The following MCF2L2 variants were observed in gnomAD, a reference collection of about 807,000 sequenced individuals.
MCF2L2 encodes probable guanine nucleotide exchange factor MCF2L2.
In MCF2L2, 102 loss-of-function variants were observed where a neutral mutation model predicts 150.2. The ratio of observed to expected loss-of-function variants is 0.68; its 90% confidence interval spans 0.58 to 0.80. The LOEUF (loss-of-function observed/expected upper bound fraction) is 0.80, where lower values mean the gene tolerates loss of function less well. Ranked by LOEUF, MCF2L2 falls within the 30% of genes least tolerant of loss-of-function variation. The pLI is 0.00. For synonymous variants in MCF2L2, 465 were observed against 491.3 expected (o/e 0.95, Z 0.71); for missense variants, 1,256 against 1,372.8 (o/e 0.91, Z 1.34).
At chr3:183,366,157 A>G (rs1309426180) in intron 3 of MCF2L2, among the ~76,000 whole-genome samples, 2 of 152,192 alleles carry the variant, frequency 1.3e-5, no homozygotes, top group African/African-American at 4.8e-5. Flanking sequence ...CCTACAACAA[A>G]ATAAACAGTT....
chr3:183,358,890 G>A (rs1711952820), intron 3 of MCF2L2, among the ~76,000 whole-genome samples: 1 of 152,040 alleles, frequency 6.6e-6, no homozygotes, highest in Admixed American at 6.6e-5. Flanking sequence ...GAAGTGCTGG[G>A]ATTACAGGGT....
chr3:183,180,558 C>A (rs918075975), intron 27 of MCF2L2, among the ~76,000 whole-genome samples: 7 of 152,194 alleles, frequency 4.6e-5, no homozygotes, highest in African/African-American at 1.7e-4. Flanking sequence ...ATCTCCCTGG[C>A]AGCCTCTGCC....
chr3:183,292,318 G>T (rs1728200313), intron 13 of MCF2L2, among the ~76,000 whole-genome samples: 3 of 152,040 alleles, frequency 2.0e-5, no homozygotes, highest in Admixed American at 2.0e-4. Flanking sequence ...TCTTAGGGAG[G>T]CAGAGGCAGG....
chr3:183,356,632 A>G (rs1465090140), intron 3 of MCF2L2, among the ~76,000 whole-genome samples: 1 of 152,224 alleles, frequency 6.6e-6, no homozygotes, highest in African/African-American at 2.4e-5. Flanking sequence ...ATTTCCTCCC[A>G]TTCAAGTGCA....
At chr3:183,203,174 T>C (rs572571785) in intron 25 of MCF2L2, among the ~76,000 whole-genome samples, 3 of 152,000 alleles carry the variant, frequency 2.0e-5, no homozygotes, top group Admixed American at 6.6e-5. Context: ...GATCATGCCA[T>C]TGCACTCCAG....
At chr3:183,312,515 T>C (rs1039299024) in intron 7 of MCF2L2, among the ~76,000 whole-genome samples, 7 of 152,188 alleles carry the variant, frequency 4.6e-5, no homozygotes, top group Non-Finnish European at 1.0e-4. Flanking sequence ...ACCTAGAATT[T>C]TGTGCTTGGG....
intron 5 of MCF2L2, among the ~76,000 whole-genome samples, chr3:183,328,077 A>G (rs1273390458): frequency 6.6e-6 from 1 of 152,114 alleles, no homozygotes; most frequent in African/African-American, 2.4e-5. Context: ...AGAAGATTAA[A>G]CTCTATAGAA....
intron 6 of MCF2L2, among the ~76,000 whole-genome samples, chr3:183,321,340 A>G (rs1729801657): frequency 6.6e-6 from 1 of 151,482 alleles, no homozygotes; most frequent in Admixed American, 6.6e-5. Context: ...TGGGAGGCTG[A>G]GGCAGAAGAA....
At chr3:183,238,240 C>A (rs1208750163) in intron 15 of MCF2L2, among the ~76,000 whole-genome samples, 1 of 138,862 alleles carries the variant, frequency 7.2e-6, no homozygotes, top group African/African-American at 2.9e-5. Flanking sequence ...ATTTTTTTTG[C>A]GATTTTTTTT....
intron 1 of MCF2L2, among the ~76,000 whole-genome samples, chr3:183,416,934 C>A (rs1223954193): frequency 6.6e-6 from 1 of 151,258 alleles, no homozygotes; most frequent in African/African-American, 2.4e-5. Flanking sequence ...ATGGTAAAAC[C>A]CTGTCTCTAC....
intron 15 of MCF2L2, among the ~76,000 whole-genome samples, chr3:183,235,089 G>C (rs1414380498): frequency 4.6e-4 from 31 of 67,672 alleles, no homozygotes; most frequent in South Asian, 2.0e-3. Context: ...TCTTAATCCA[G>C]TCTATCATTG....
intron 2 of MCF2L2, among the ~76,000 whole-genome samples, chr3:183,380,180 T>C (rs1713434042): frequency 6.6e-6 from 1 of 152,134 alleles, no homozygotes; most frequent in South Asian, 2.1e-4. Flanking sequence ...CCAAATTCAA[T>C]AGATTCTATT....
intron 1 of MCF2L2, among the ~76,000 whole-genome samples, chr3:183,393,708 G>T (rs1398690361): frequency 6.6e-6 from 1 of 152,212 alleles, no homozygotes; most frequent in African/African-American, 2.4e-5. Context: ...AGACTCTTAC[G>T]CGATGAAATA....
chr3:183,222,379 G>A (rs528621310), intron 20 of MCF2L2, among the ~76,000 whole-genome samples: 5 of 152,180 alleles, frequency 3.3e-5, no homozygotes, highest in Middle Eastern at 3.4e-3. Context: ...GTGAAACCCC[G>A]TCTCTACTAA....
intron 22 of MCF2L2, among the ~76,000 whole-genome samples, chr3:183,213,492 A>G (rs1722810214): frequency 1.3e-5 from 2 of 152,048 alleles, no homozygotes; most frequent in Admixed American, 6.6e-5. Context: ...TTCCTTTATA[A>G]AACCAGGTTA....
At chr3:183,288,252 C>T (rs544592419) in intron 14 of MCF2L2, among the ~76,000 whole-genome samples, 6 of 152,220 alleles carry the variant, frequency 3.9e-5, no homozygotes, top group African/African-American at 1.4e-4. Context: ...TGCCTGATTC[C>T]AAACCTTATG....
chr3:183,401,007 T>C (rs1034132349), intron 1 of MCF2L2, among the ~76,000 whole-genome samples: 7 of 152,168 alleles, frequency 4.6e-5, no homozygotes, highest in African/African-American at 1.7e-4. Context: ...CGGCAAACGG[T>C]AAAGGTTCAG....
At chr3:183,420,034 C>T (rs894804531) in intron 1 of MCF2L2, among the ~76,000 whole-genome samples, 1 of 152,212 alleles carries the variant, frequency 6.6e-6, no homozygotes, top group African/African-American at 2.4e-5. Context: ...TACTCCAGTT[C>T]CCAATAAGTT....
At chr3:183,306,797 T>C (rs1729121164) in intron 10 of MCF2L2, among the ~76,000 whole-genome samples, 1 of 152,184 alleles carries the variant, frequency 6.6e-6, no homozygotes, top group African/African-American at 2.4e-5. Context: ...TCCTTAGATG[T>C]TAATGGCCTG....
Sources: gnomAD v4.1 joint callset for allele counts (sites outside exome capture counted in the v4.1 genomes callset) on GRCh38, gnomAD v4.1.1 for gene constraint, MANE v1.5 for transcripts, NCBI Gene and HGNC (gene_info 2026-07-23, HGNC 2026-07-21) for gene names.